Variants in SLC8A1 observed in about 807,000 individuals in gnomAD.
The protein encoded by SLC8A1 is solute carrier family 8 member A1.
SLC8A1 carries 18 observed loss-of-function variants against 68.3 expected under a neutral mutation model. The observed-to-expected ratio is 0.26, with a 90% CI of 0.18 to 0.39. The LOEUF is 0.39. Ranked by LOEUF, SLC8A1 falls within the 10% of genes least tolerant of loss-of-function variation. The pLI, the probability that SLC8A1 is intolerant of heterozygous loss-of-function variation, is 1.00. For synonymous variants in SLC8A1, 475 were observed against 415.5 expected (o/e 1.14, Z -1.74); for missense variants, 985 against 1,156.7 (o/e 0.85, Z 2.15).
intron 2 of SLC8A1, among the ~76,000 whole-genome samples, chr2:40,179,293 C>G (rs1178979334): frequency 6.6e-6 from 1 of 152,228 alleles, no homozygotes; most frequent in Admixed American, 6.5e-5. Context: ...GCCATTTACA[C>G]TACTTTCAAA....
At chr2:40,276,250 A>G (rs1366461501) in intron 2 of SLC8A1, among the ~76,000 whole-genome samples, 1 of 152,096 alleles carries the variant, frequency 6.6e-6, no homozygotes, top group Non-Finnish European at 1.5e-5. Context: ...GGACCTTCTG[A>G]TGTGCTGCCT....
chr2:40,308,255 A>T (rs1452244216), intron 2 of SLC8A1, among the ~76,000 whole-genome samples: 1 of 152,128 alleles, frequency 6.6e-6, no homozygotes, highest in Non-Finnish European at 1.5e-5. Context: ...ACCTTGAATC[A>T]AATTGGAGTG....
At chr2:40,431,944 C>T (rs973945360) in intron 1 of SLC8A1, among the ~76,000 whole-genome samples, 1 of 152,110 alleles carries the variant, frequency 6.6e-6, no homozygotes, top group African/African-American at 2.4e-5. Context: ...GCTTCTTTGA[C>T]ATTTTTCCCA....
intron 2 of SLC8A1, among the ~76,000 whole-genome samples, chr2:40,288,717 G>A (rs985576149): frequency 4.6e-5 from 7 of 151,964 alleles, no homozygotes; most frequent in Non-Finnish European, 1.0e-4. Context: ...TTTCCTTGGG[G>A]ATGGATGTTT....
At chr2:40,502,582 A>T (rs1264469321) in intron 1 of SLC8A1, among the ~76,000 whole-genome samples, 2 of 152,076 alleles carry the variant, frequency 1.3e-5, no homozygotes, top group East Asian at 3.9e-4. Context: ...ATATAATTGC[A>T]TTTTAAAAAT....
At chr2:40,102,414 A>G (rs949819096) in exon 8 of SLC8A1, 6 of 151,190 alleles carry the variant, frequency 4.0e-5, no homozygotes, top group African/African-American at 1.5e-4. Flanking sequence ...AAATGCAAGG[A>G]CTTATAGAAA....
At chr2:40,440,817 A>G (rs1041649691) in intron 1 of SLC8A1, among the ~76,000 whole-genome samples, 10 of 152,234 alleles carry the variant, frequency 6.6e-5, no homozygotes, top group African/African-American at 2.4e-4. Flanking sequence ...CCAATAGCCA[A>G]TATCATACTG....
chr2:40,381,747 C>A (rs995469271), intron 2 of SLC8A1, among the ~76,000 whole-genome samples: 4 of 151,244 alleles, frequency 2.6e-5, no homozygotes, highest in African/African-American at 9.7e-5. Flanking sequence ...AGGAAACCAA[C>A]CATTGGGCCT....
At chr2:40,403,425 C>G (rs535433148) in intron 2 of SLC8A1, among the ~76,000 whole-genome samples, 1 of 152,144 alleles carries the variant, frequency 6.6e-6, no homozygotes, top group Non-Finnish European at 1.5e-5. Context: ...ATTCCCCATC[C>G]GCCACCCTCT....
chr2:40,511,185 T>C (rs1031969461), intron 1 of SLC8A1, among the ~76,000 whole-genome samples: 1 of 152,222 alleles, frequency 6.6e-6, no homozygotes, highest in Non-Finnish European at 1.5e-5. Context: ...GATTGAAAAC[T>C]TAGCTAAGTA....
intron 2 of SLC8A1, among the ~76,000 whole-genome samples, chr2:40,271,171 C>A (rs1006772288): frequency 3.7e-5 from 4 of 108,328 alleles, no homozygotes; most frequent in Admixed American, 1.8e-4. Flanking sequence ...GACCCCCAAG[C>A]CCCCCTCATA....
chr2:40,437,463 C>T (rs890973555), intron 1 of SLC8A1, among the ~76,000 whole-genome samples: 7 of 152,110 alleles, frequency 4.6e-5, no homozygotes, highest in Non-Finnish European at 1.0e-4. Flanking sequence ...AGACAGAGGT[C>T]TGAAATCACT....
intron 2 of SLC8A1, among the ~76,000 whole-genome samples, chr2:40,367,979 T>C (rs1676805661): frequency 6.6e-6 from 1 of 152,078 alleles, no homozygotes; most frequent in Non-Finnish European, 1.5e-5. Flanking sequence ...CCCCACTGAA[T>C]CTTAAACCTT....
Position 40,304,811 on chromosome 2 carries a change from G to A in SLC8A1, c.1808+123662C>T, listed in dbSNP as rs186728616. Among the ~76,000 whole-genome samples, 353 of 152,224 alleles carry A rather than the reference G, an allele frequency of 2.3e-3. 1 individual carries two copies. Among genetic ancestry groups the A allele is most frequent in the African/African-American group, 7.9e-3 (328 of 41,548 alleles). ...ACGCTAGCTGTTTTCTGGGCTCAGC[G>A]ATGCTCACCTAGACCTCATGCGCCC... On this transcript the variant is annotated intron_variant, in intron 2 of 7. Coordinates refer to ENST00000406785, the Ensembl canonical transcript of SLC8A1.
intron 7 of SLC8A1, chr2:40,116,720 C>G (rs935092782): frequency 2.0e-5 from 3 of 152,222 alleles, no homozygotes; most frequent in African/African-American, 7.2e-5. Flanking sequence ...CGAATGCTTT[C>G]TCATGGTGCT....
intron 1 of SLC8A1, among the ~76,000 whole-genome samples, chr2:40,499,634 T>G (rs773057588): frequency 6.6e-5 from 10 of 152,064 alleles, no homozygotes; most frequent in Non-Finnish European, 1.3e-4. Flanking sequence ...CATCAGAGTT[T>G]ATGGGGGGAG....
chr2:40,345,637 T>G (rs1000291980), intron 2 of SLC8A1, among the ~76,000 whole-genome samples: 4 of 152,168 alleles, frequency 2.6e-5, no homozygotes, highest in Admixed American at 2.6e-4. Context: ...CCAGAAAATC[T>G]GCATTTTGAA....
intron 1 of SLC8A1, among the ~76,000 whole-genome samples, chr2:40,434,762 A>G (rs1699066238): frequency 6.6e-6 from 1 of 152,180 alleles, no homozygotes; most frequent in Non-Finnish European, 1.5e-5. Flanking sequence ...ATTTATTTTA[A>G]AACAACACAC....
intron 3 of SLC8A1, 58 bp from the exon 5 acceptor site, chr2:40,174,900 C>T (rs966564945): frequency 5.2e-6 from 8 of 1,529,438 alleles, no homozygotes; most frequent in African/African-American, 2.8e-5. Context: ...ATAACAAATA[C>T]CAGTGACATC....
Sources: allele counts gnomAD v4.1 joint callset (sites outside exome capture counted in the v4.1 genomes callset), GRCh38; gene constraint gnomAD v4.1.1; transcripts MANE v1.5; gene names NCBI Gene and HGNC (gene_info 2026-07-23, HGNC 2026-07-21).